Variants in SAMD12 observed in about 807,000 individuals in gnomAD.
SAMD12 encodes the protein sterile alpha motif domain containing 12, also known as sterile alpha motif domain-containing protein 12.
In SAMD12, 9 loss-of-function variants were observed where a neutral mutation model predicts 15.0. The observed-to-expected ratio is 0.60, with a 90% CI of 0.36 to 1.05. SAMD12 has a LOEUF of 1.05. Among genes scored for constraint, SAMD12 ranks in the 50% least tolerant of loss-of-function variants. SAMD12 has a pLI of 0.01. For missense variants in SAMD12, 230 were observed against 234.2 expected (o/e 0.98, Z 0.12); for synonymous variants, 86 against 90.1 (o/e 0.96, Z 0.25).
intron 4 of SAMD12, among the ~76,000 whole-genome samples, chr8:118,332,550 T>C (rs1215440387): frequency 1.3e-5 from 2 of 152,238 alleles, no homozygotes; most frequent in Non-Finnish European, 1.5e-5. Flanking sequence ...CCCTGCTTTT[T>C]TCAGCATAAG....
intron 1 of SAMD12, among the ~76,000 whole-genome samples, chr8:118,595,297 T>C (rs1166285559): frequency 6.6e-6 from 1 of 152,194 alleles, no homozygotes; most frequent in East Asian, 1.9e-4. Context: ...AGACAATGCT[T>C]CTAAAATATT....
the SAMD12 span, among the ~76,000 whole-genome samples, chr8:118,135,499 C>T: frequency 1.3e-4 from 19 of 151,012 alleles, no homozygotes; most frequent in Non-Finnish European, 1.5e-4. Context: ...GATTCTTAAA[C>T]GACAGACTTG....
chr8:118,197,735 G>A lies in SAMD12; in HGVS notation c.434-3C>T, dbSNP rs199994903. The A allele has an allele frequency of 8.1e-6, 13 of 1,612,890 alleles. No homozygotes were observed. In the African/African-American group the frequency reaches 9.3e-5, roughly 12 times the overall value. ...TTATGGAGAACCCTCAGATGATGCTGCAAGAAGAAAAAGGGGGAAATATGG... is the reference window on the plus strand; with the variant it reads ...TTATGGAGAACCCTCAGATGATGCTACAAGAAGAAAAAGGGGGAAATATGG... On this transcript the variant is annotated splice_region_variant and splice_polypyrimidine_tract_variant and intron_variant, in intron 4 of 4. Transcript: ENST00000409003.
At chr8:118,575,692 T>C (rs1000941630) in intron 2 of SAMD12, among the ~76,000 whole-genome samples, 1 of 152,084 alleles carries the variant, frequency 6.6e-6, no homozygotes, top group African/African-American at 2.4e-5. Flanking sequence ...GGAATTAGCA[T>C]TGTGGCAGGA....
At chr8:118,544,258 A>T (rs1826064952) in intron 2 of SAMD12, among the ~76,000 whole-genome samples, 1 of 152,176 alleles carries the variant, frequency 6.6e-6, no homozygotes, top group Admixed American at 6.5e-5. Flanking sequence ...TTAAGTGCAA[A>T]ATAATAGCTA....
intron 2 of SAMD12, among the ~76,000 whole-genome samples, chr8:118,487,423 C>A (rs1459473911): frequency 6.6e-6 from 1 of 152,152 alleles, no homozygotes; most frequent in African/African-American, 2.4e-5. Context: ...ACATCAGATA[C>A]CTTCATTATT....
chr8:118,299,878 T>A (rs7813475), intron 4 of SAMD12, among the ~76,000 whole-genome samples: 5 of 151,952 alleles, frequency 3.3e-5, no homozygotes, highest in Middle Eastern at 3.4e-3. Context: ...TGATTCATTC[T>A]CGTCTCAAAT....
chr8:118,428,107 C>A (rs977498205), intron 3 of SAMD12, among the ~76,000 whole-genome samples: 11 of 152,104 alleles, frequency 7.2e-5, no homozygotes, highest in African/African-American at 2.4e-4. Context: ...ATCTTTTGCC[C>A]ATATTATTGG....
At chr8:118,270,812 A>G (rs371803240) in intron 4 of SAMD12, among the ~76,000 whole-genome samples, 6 of 152,200 alleles carry the variant, frequency 3.9e-5, no homozygotes, top group African/African-American at 1.4e-4. Flanking sequence ...CCAAAAGACA[A>G]CAACACATAT....
chr8:118,617,764 A>T (rs1828273588), intron 1 of SAMD12, among the ~76,000 whole-genome samples: 1 of 152,180 alleles, frequency 6.6e-6, no homozygotes, highest in African/African-American at 2.4e-5. Flanking sequence ...TGAAACAATG[A>T]CTGTGGGCCT....
chr8:118,399,877 C>G (rs1022013310), intron 3 of SAMD12, among the ~76,000 whole-genome samples: 2 of 152,136 alleles, frequency 1.3e-5, no homozygotes, highest in Non-Finnish European at 2.9e-5. Context: ...TCACTATACC[C>G]TTTAGCAGGC....
At chr8:118,264,794 T>A (rs1307499242) in intron 4 of SAMD12, among the ~76,000 whole-genome samples, 2 of 152,130 alleles carry the variant, frequency 1.3e-5, no homozygotes, top group Non-Finnish European at 2.9e-5. Context: ...GCATAGCAAG[T>A]GGAGAACCTA....
intron 4 of SAMD12, among the ~76,000 whole-genome samples, chr8:118,360,764 A>C (rs1161735730): frequency 6.6e-6 from 1 of 152,230 alleles, no homozygotes; most frequent in Non-Finnish European, 1.5e-5. Flanking sequence ...CATCAGTGCC[A>C]GTTTCTACCA....
At chr8:118,435,440 G>A (rs1822552535) in intron 3 of SAMD12, among the ~76,000 whole-genome samples, 1 of 152,038 alleles carries the variant, frequency 6.6e-6, no homozygotes, top group African/African-American at 2.4e-5. Flanking sequence ...CATCCACTGG[G>A]GGTCCTGCTA....
chr8:118,148,254 G>A, the SAMD12 span, among the ~76,000 whole-genome samples: 4 of 151,654 alleles, frequency 2.6e-5, no homozygotes, highest in Non-Finnish European at 5.9e-5. Context: ...GGTTGAGATG[G>A]AGTCTTGCTA....
At chr8:118,414,320 TG>T (rs2130822740) in intron 3 of SAMD12, among the ~76,000 whole-genome samples, 1 of 152,294 alleles carries the variant, frequency 6.6e-6, no homozygotes, top group East Asian at 1.9e-4. Flanking sequence ...CCATGGATAA[TG>T]GGGAAGCTGA....
At chr8:118,261,526 A>G (rs1358927600) in intron 4 of SAMD12, among the ~76,000 whole-genome samples, 1 of 152,102 alleles carries the variant, frequency 6.6e-6, no homozygotes, top group Non-Finnish European at 1.5e-5. Context: ...AGACTCAAAG[A>G]CCATCTTTTG....
At chr8:118,279,212 A>T (rs1413502722) in intron 4 of SAMD12, among the ~76,000 whole-genome samples, 1 of 152,134 alleles carries the variant, frequency 6.6e-6, no homozygotes, top group Non-Finnish European at 1.5e-5. Context: ...ACCCCTGACA[A>T]TTTTTCCCTT....
At chr8:118,241,492 T>C (rs1812563534) in intron 4 of SAMD12, among the ~76,000 whole-genome samples, 1 of 152,182 alleles carries the variant, frequency 6.6e-6, no homozygotes, top group African/African-American at 2.4e-5. Flanking sequence ...ACAAACATTT[T>C]GATGTGACTA....
Sources: gnomAD v4.1 joint callset for allele counts (sites outside exome capture counted in the v4.1 genomes callset) on GRCh38, gnomAD v4.1.1 for gene constraint, MANE v1.5 for transcripts, NCBI Gene and HGNC (gene_info 2026-07-23, HGNC 2026-07-21) for gene names.